SCNN1D: variants seen among roughly 807,000 people sequenced by gnomAD.
The protein encoded by SCNN1D is epithelial sodium channel subunit delta.
A neutral mutation model predicts 87.8 loss-of-function variants in SCNN1D; 104 were observed. The ratio of observed to expected loss-of-function variants is 1.18; its 90% CI spans 1.01 to 1.39. The LOEUF (loss-of-function observed/expected upper bound fraction) is 1.39, where lower values mean the gene tolerates loss of function less well. Ranked by LOEUF, SCNN1D falls within the 40% of genes most tolerant of loss-of-function variation. The probability of loss-of-function intolerance (pLI) is 0.00; values close to 1 mark genes in which losing one functional copy is unlikely to be tolerated. For synonymous variants in SCNN1D, 628 were observed against 481.2 expected (o/e 1.31, Z -3.99); for missense variants, 1,324 against 1,093.9 (o/e 1.21, Z -2.97).
chr1:1,281,303 C>T lies in SCNN1D; in HGVS notation c.77+6C>T, dbSNP rs1158386845. The T allele has an allele frequency of 7.2e-6, 11 of 1,535,782 alleles. No homozygotes were observed. In the Admixed American group the frequency reaches 2.2e-4, roughly 30 times the overall value. Reference sequence around the variant, plus strand: ...CACCTCAGCGGCCCAAGGAGGTGAGCTCACAGCCATGCTCGGTCAATGGGG... The same window carrying T: ...CACCTCAGCGGCCCAAGGAGGTGAGTTCACAGCCATGCTCGGTCAATGGGG... On this transcript the variant is annotated splice_donor_region_variant and intron_variant, in intron 2 of 17. Coordinates refer to ENST00000379116, the MANE Select transcript of SCNN1D (RefSeq NM_001130413.4).
At chr1:1,286,731 G>T (rs368413062) in intron 7 of SCNN1D, 37 bp from the exon 8 acceptor site, 6 of 1,594,052 alleles carry the variant, frequency 3.8e-6, no homozygotes, top group South Asian at 3.4e-5. Context: ...GTGAGGCCCC[G>T]GGCCGGCAAC....
intron 12 of SCNN1D, 141 bp downstream of exon 12, chr1:1,288,178 AT>A (rs2100333236): frequency 8.0e-6 from 5 of 626,360 alleles, no homozygotes; most frequent in Admixed American, 3.0e-5. Flanking sequence ...CCCGCACTCC[AT>A]CCCCCGTGTC....
In SCNN1D at chr1:1,280,544, T is replaced by C. The variant is rs889123959; in HGVS notation, c.-118T>C. ...TGGCGTTGTGCAGATGAAGGTCTTA[T>C]CGCAGATGAAGCCACCAGGTCACAA... On this transcript the variant is annotated 5_prime_UTR_variant, in exon 1 of 18. Coordinates refer to ENST00000379116, the MANE Select transcript of SCNN1D (RefSeq NM_001130413.4). 3 of 658,660 alleles carry C rather than the reference T, an allele frequency of 4.6e-6. No individual in the cohort carries two copies. In the African/African-American group the frequency reaches 5.3e-5, roughly 12 times the overall value. The allele number at this position is 658,660 out of a possible 1,614,324, so 40.8% of individuals were successfully genotyped here.
chr1:1,290,490 C>T lies in SCNN1D; in HGVS notation c.1794C>T (p.Tyr598=), dbSNP rs1463997410. 1.9e-6 allele frequency: 3 copies of T among 1,612,734 alleles called. No individual in the cohort carries two copies. Among genetic ancestry groups the T allele is most frequent in the Non-Finnish European group, 2.5e-6 (3 of 1,179,922 alleles). ...ARHPAWGHCF[Y]RLYQDLETHR... ...CCCCTCCCCAAGGACACTGCTTCTA[C>T]CGCCTCTACCAGGACCTGGAGACCC... Residue 598 remains tyrosine, a synonymous_variant, in exon 14 of 18, where the codon TAC becomes TAT. Coordinates refer to ENST00000379116, the MANE Select transcript of SCNN1D (RefSeq NM_001130413.4).
At chr1:1,288,297 G>C (rs1192757350) in intron 12 of SCNN1D, among the ~76,000 whole-genome samples, 4 of 79,074 alleles carry the variant, frequency 5.1e-5, no homozygotes, top group African/African-American at 4.3e-4. Context: ...GCTCCGTCCC[G>C]TGTCTGCTCC....
chr1:1,291,222 G>A, intron 17 of SCNN1D, 32 bp from the exon 18 acceptor site: 1 of 1,569,080 alleles, frequency 6.4e-7, no homozygotes. Flanking sequence ...GGGGGCCTGG[G>A]CCCGCCCCTC....
rs1640463062 is a variant in SCNN1D at position 1,281,230 on chromosome 1, GTGC to G, written c.13_15del (p.Leu5del). On this transcript the variant is annotated inframe_deletion, in exon 2 of 18. Coordinates refer to ENST00000379116, the MANE Select transcript of SCNN1D (RefSeq NM_001130413.4). ...CCAGGCGCCTGCCATCTCCAGGGCA[GTGC>G]TGTCACAGAAGACAACACCGCTCCC... The G allele has an allele frequency of 1.3e-6, 2 of 1,535,378 alleles. No individual in the cohort carries two copies. The highest frequency in any genetic ancestry group is 2.0e-5 in the Admixed American group (1 of 50,988).
intron 6 of SCNN1D, 33 bp downstream of exon 6, chr1:1,285,697 G>T: frequency 6.8e-7 from 1 of 1,470,072 alleles, no homozygotes; most frequent in Non-Finnish European, 9.1e-7. Flanking sequence ...TCTGAGTCCT[G>T]CTGCCCCAGC....
At position 1,290,685 on chromosome 1, in the gene SCNN1D, CA is replaced by C. The variant is rs763390942; in HGVS notation, c.1910del (p.Lys637SerfsTer10). On this transcript the variant is annotated frameshift_variant, in exon 15 of 18. Coordinates refer to ENST00000379116, the MANE Select transcript of SCNN1D (RefSeq NM_001130413.4). LOFTEE classifies it high-confidence loss of function. ...STGTSRWPSA[K>X]SAGWTLATLG... ...CTGGGACCTCCAGGTGGCCTTCCGC[CA>C]AGTCAGCTGTGAGTCCCCAAAGTGG... The C allele has an allele frequency of 2.5e-6, 4 of 1,612,618 alleles. No homozygotes were observed. The highest frequency in any genetic ancestry group is 3.4e-6 in the Non-Finnish European group (4 of 1,179,924).
Position 1,287,773 on chromosome 1 carries a change from C to G in SCNN1D, c.1500C>G (p.Pro500=), listed in dbSNP as rs145012537. The G allele has an allele frequency of 7.5e-6, 12 of 1,597,002 alleles. No homozygotes were observed. Among genetic ancestry groups the G allele is most frequent in the Non-Finnish European group, 9.4e-6 (11 of 1,172,408 alleles). Residue 500 remains proline (P), a synonymous_variant, in exon 11 of 18, where the codon CCC becomes CCG. Transcript: ENST00000379116. ...TGGTTCACGGCCGTAACCACACGCC[C>G]TTCCTGGGGCACCACAGCTTCAGCG... ...RVMVHGRNHT[P]FLGHHSFSVR... is the part of the protein sequence containing the mutation.
intron 14 of SCNN1D, 32 bp from the exon 15 acceptor site, chr1:1,290,605 C>T (rs371181786): frequency 1.7e-5 from 27 of 1,612,320 alleles, no homozygotes; most frequent in Admixed American, 1.0e-4. Flanking sequence ...CCCCAGGTAG[C>T]GTGGCAGGTG....
rs1271569300 is a variant in SCNN1D at position 1,291,722 on chromosome 1, A to G, written c.*112A>G. ...AGACCAGCAGCCCAGGAAGCAGCACACGCGGCCGTGGGGAGGCAGGCACCG... is the reference window on the plus strand; with the variant it reads ...AGACCAGCAGCCCAGGAAGCAGCACGCGCGGCCGTGGGGAGGCAGGCACCG... On this transcript the variant is annotated 3_prime_UTR_variant, in exon 18 of 18. Coordinates refer to ENST00000379116, the MANE Select transcript of SCNN1D (RefSeq NM_001130413.4). 5 of 755,548 alleles carry G rather than the reference A, an allele frequency of 6.6e-6. No individual in the cohort carries two copies. Among genetic ancestry groups the G allele is most frequent in the Non-Finnish European group, 8.0e-6 (4 of 500,144 alleles). The allele number at this position is 755,548 out of a possible 1,614,324, so 46.8% of individuals were successfully genotyped here. A position where few individuals can be genotyped will look rare whatever the true frequency, so the allele number is the denominator to read the frequency against.
intron 6 of SCNN1D, 30 bp from the exon 7 acceptor site, chr1:1,285,896 C>A: frequency 6.6e-7 from 1 of 1,521,292 alleles, no homozygotes; most frequent in South Asian, 1.3e-5. Context: ...GGGTGCAGGC[C>A]GGGCCCTGCT....
In SCNN1D at chr1:1,286,246, G is replaced by A. The variant is rs370351929; in HGVS notation, c.879G>A (p.Pro293=). The change falls in exon 7 of 18, where the codon CCG becomes CCA. Residue 293 remains proline (P), a synonymous_variant. Coordinates refer to ENST00000379116, the MANE Select transcript of SCNN1D (RefSeq NM_001130413.4). ...TGCACTCGGAGCGCAAGCTGCTCCC[G>A]CTGGTCACCCTGTGTGACGGGAACC... The part of the protein sequence containing the change: ...VSVHSERKLL[P]LVTLCDGNPR... 32 of 1,591,984 alleles carry A rather than the reference G, an allele frequency of 2.0e-5. No individual in the cohort carries two copies. The highest frequency in any genetic ancestry group is 1.0e-4 in the South Asian group (9 of 89,762).
chr1:1,289,552 C>T (rs866023221), intron 12 of SCNN1D, among the ~76,000 whole-genome samples: 19 of 1,032 alleles, frequency 0.018, 2 homozygotes, highest in African/African-American at 0.071. Flanking sequence ...GTCCCGTGTC[C>T]CTGCTCCGTC....
At chr1:1,287,082 G>A in intron 8 of SCNN1D, 27 bp from the exon 9 acceptor site, 1 of 1,582,852 alleles carries the variant, frequency 6.3e-7, no homozygotes, top group South Asian at 1.1e-5. Context: ...TGTAGCCACA[G>A]AGCTGACCCT....
chr1:1,282,191 G>T, intron 3 of SCNN1D, 51 bp from the exon 4 acceptor site: 2 of 1,060,166 alleles, frequency 1.9e-6, no homozygotes, highest in South Asian at 2.7e-5. Flanking sequence ...CAGAGAGGTT[G>T]AGTAACTCGG....
At chr1:1,281,346 G>GGA (rs1640466598) in intron 2 of SCNN1D, 49 bp downstream of exon 2, 1 of 1,534,966 alleles carries the variant, frequency 6.5e-7, no homozygotes, top group African/African-American at 1.4e-5. Context: ...GTCTTTCCTG[G>GGA]GAGAGAGCAG....
Position 1,285,573 on chromosome 1 carries a change from C to T in SCNN1D, c.467C>T (p.Ser156Leu), listed in dbSNP as rs546248185. Residue 156 changes from serine to leucine, a missense_variant and splice_region_variant, in exon 6 of 18, where the codon TCG becomes TTG. Coordinates refer to ENST00000379116, the MANE Select transcript of SCNN1D (RefSeq NM_001130413.4). The part of the protein sequence containing the change: ...QPHGGALTSR[S>L]PGPVAPQRPC... Reference sequence around the variant, plus strand: ...CTACCGTACTTGCCTTTGGGTAGATCGCCTGGGCCTGTGGCTCCCCAGAGG... The same window carrying T: ...CTACCGTACTTGCCTTTGGGTAGATTGCCTGGGCCTGTGGCTCCCCAGAGG... 24 of 1,526,426 alleles carry T rather than the reference C, an allele frequency of 1.6e-5. No individual in the cohort carries two copies. Among genetic ancestry groups the T allele is most frequent in the African/African-American group, 1.5e-4 (11 of 72,138 alleles). The allele number at this position is 1,526,426 out of a possible 1,614,324, so 94.6% of individuals were successfully genotyped here.
Sources: gnomAD v4.1 joint callset for allele counts (sites outside exome capture counted in the v4.1 genomes callset) on GRCh38, gnomAD v4.1.1 for gene constraint, MANE v1.5 for transcripts, NCBI Gene and HGNC (gene_info 2026-07-23, HGNC 2026-07-21) for gene names.